PHYKPL: variants seen among roughly 807,000 people sequenced by gnomAD.
The protein encoded by PHYKPL is 5-phosphohydroxy-L-lysine phospho-lyase.
In PHYKPL, 42 loss-of-function variants were observed where a neutral mutation model predicts 51.3. The ratio of observed to expected loss-of-function variants is 0.82; its 90% CI spans 0.64 to 1.06. The LOEUF (loss-of-function observed/expected upper bound fraction) is 1.06, where lower values mean the gene tolerates loss of function less well. Ranked by LOEUF, PHYKPL falls within the 50% of genes least tolerant of loss-of-function variation. PHYKPL has a pLI of 0.00. For missense variants in PHYKPL, 655 were observed against 586.6 expected (o/e 1.12, Z -1.20); for synonymous variants, 264 against 236.0 (o/e 1.12, Z -1.09).
chr5:178,229,846 A>T, intron 3 of PHYKPL, 94 bp downstream of exon 3: 1 of 1,486,852 alleles, frequency 6.7e-7, no homozygotes. Context: ...CTCCGAGTCC[A>T]CACTCGGTCA....
At chr5:178,223,357 C>G in intron 6 of PHYKPL, 2 of 457,388 alleles carry the variant, frequency 4.4e-6, no homozygotes, top group South Asian at 3.1e-5. Context: ...TCCTTGGACT[C>G]CTGCAGAGGT....
chr5:178,215,233 G>C (rs752699216), intron 9 of PHYKPL, 43 bp downstream of exon 9: 1 of 1,613,182 alleles, frequency 6.2e-7, no homozygotes, highest in South Asian at 1.1e-5. Context: ...TACCACACTG[G>C]GCCTTGGCAG....
At chr5:178,219,551 G>A (rs1179709322) in intron 8 of PHYKPL, among the ~76,000 whole-genome samples, 8 of 151,148 alleles carry the variant, frequency 5.3e-5, no homozygotes, top group African/African-American at 1.5e-4. Context: ...CCGGGTTCAC[G>A]CCATTCTCCT....
Position 178,230,112 on chromosome 5 carries a change from C to A in PHYKPL, c.179-13G>T. The A allele has an allele frequency of 6.2e-7, 1 of 1,612,924 alleles. No individual in the cohort carries two copies. Among genetic ancestry groups the A allele is most frequent in the African/African-American group, 1.3e-5 (1 of 75,032 alleles). ...TGGCAGTGCCCAACTGGAAGAGGGC[C>A]GCCTCCGTCACACGGCTGGCTCCAC... On this transcript the variant is annotated splice_polypyrimidine_tract_variant and intron_variant, in intron 2 of 12. Transcript: ENST00000308158.
At chr5:178,210,367 C>CA (rs781035389) in intron 12 of PHYKPL, 33 of 1,593,524 alleles carry the variant, frequency 2.1e-5, no homozygotes, top group Non-Finnish European at 2.6e-5. Context: ...GCTTTGGAGT[C>CA]AGACAGGCCT....
In PHYKPL at chr5:178,224,385, T is replaced by C. The variant is rs1317028362; in HGVS notation, c.618+63A>G. The stretch of plus-strand genomic sequence containing the variant: ...TCTGGGTTCCCAGCATCTAGCACAG[T>C]GGCGGTGACAACGGAGGTGACATTC... On this transcript the variant is annotated intron_variant, in intron 6 of 12. Transcript: ENST00000308158. The C allele has an allele frequency of 1.4e-4, 207 of 1,451,548 alleles. 1 individual carries two copies. Among genetic ancestry groups the C allele is most frequent in the Non-Finnish European group, 1.8e-4 (198 of 1,070,378 alleles). 89.9% of individuals were successfully genotyped at this position (1,451,548 alleles called of 1,614,324 possible). A position where few individuals can be genotyped will look rare whatever the true frequency, so the allele number is the denominator to read the frequency against.
chr5:178,220,925 T>C (rs1761052578), intron 8 of PHYKPL, among the ~76,000 whole-genome samples: 1 of 152,112 alleles, frequency 6.6e-6, no homozygotes, highest in Non-Finnish European at 1.5e-5. Context: ...ATAGACTTCA[T>C]ATAAACTCAA....
Position 178,213,075 on chromosome 5 carries a change from T to G in PHYKPL, c.1201A>C (p.Thr401Pro). Residue 401 changes from threonine (T) to proline (P), a missense_variant, in exon 11 of 13, where the codon ACT (threonine) becomes CCT (proline). Physicochemically the swap from Thr to Pro is conservative, Grantham distance 38 (BLOSUM62 -1). Transcript: ENST00000308158. ...RLKENYVLLS[T>P]DGPGRNILKF... ...AGGATGTTCCTCCCAGGGCCATCAGTGCTCAGCAAAACGTAGTTCTCCTTC... is the reference window on the plus strand; with the variant it reads ...AGGATGTTCCTCCCAGGGCCATCAGGGCTCAGCAAAACGTAGTTCTCCTTC... The G allele has an allele frequency of 6.2e-7, 1 of 1,614,212 alleles. No homozygotes were observed. Among genetic ancestry groups the G allele is most frequent in the Non-Finnish European group, 8.5e-7 (1 of 1,180,030 alleles).
At position 178,231,482 on chromosome 5, in the gene PHYKPL, A is replaced by G. The variant is rs773432675; in HGVS notation, c.101T>C (p.Ile34Thr). The change falls in exon 2 of 13, where the codon ATT becomes ACT. Residue 34 changes from isoleucine (I) to threonine (T), a missense_variant. Ile to Thr is a moderately conservative substitution (Grantham distance 89, BLOSUM62 -1). Coordinates refer to ENST00000308158, the MANE Select transcript of PHYKPL (RefSeq NM_153373.4). The stretch of plus-strand genomic sequence containing the variant: ...CATGTACTGCCCTTGGGCCCGGACA[A>G]TCTTAACAGGATCCTCGGGAAAAAA... ...RLFFPEDPVKIVRAQGQYMYD... is the reference protein window; with the variant it reads ...RLFFPEDPVKTVRAQGQYMYD... The G allele has an allele frequency of 1.9e-5, 31 of 1,614,080 alleles. No individual in the cohort carries two copies. Among genetic ancestry groups the G allele is most frequent in the East Asian group, 2.2e-5 (1 of 44,902 alleles).
chr5:178,232,400 CGCGTGCGTAGT>C (rs1405056798), intron 1 of PHYKPL, 81 bp downstream of exon 1: 2 of 1,334,608 alleles, frequency 1.5e-6, no homozygotes, highest in Non-Finnish European at 9.5e-7. Flanking sequence ...TAGCCGGAGG[CGCGTGCGTAGT>C]GCGTGCGTGC....
At chr5:178,216,422 A>G (rs1759806097) in intron 8 of PHYKPL, 1 of 152,222 alleles carries the variant, frequency 6.6e-6, no homozygotes, top group Non-Finnish European at 1.5e-5. Context: ...GTTCCAGGCA[A>G]TTAAGGAGAT....
chr5:178,225,187 C>T (rs561342474), intron 4 of PHYKPL, among the ~76,000 whole-genome samples, 168 bp downstream of exon 4: 1 of 152,328 alleles, frequency 6.6e-6, no homozygotes, highest in African/African-American at 2.4e-5. Flanking sequence ...CCCAGGGTGA[C>T]AGAGCCTCTG....
chr5:178,222,313 T>C lies in PHYKPL; in HGVS notation c.927+42A>G. 2.6e-6 allele frequency: 4 copies of C among 1,554,736 alleles called. No individual in the cohort carries two copies. The South Asian group carries it at 3.6e-5, about 14-fold the overall frequency. ...GGACAGGCTGATCACCGGGGGCCTATCAGAACCCATGTTGCTCCCTTGACT... is the reference window on the plus strand; with the variant it reads ...GGACAGGCTGATCACCGGGGGCCTACCAGAACCCATGTTGCTCCCTTGACT... On this transcript the variant is annotated intron_variant, in intron 8 of 12. Transcript: ENST00000308158.
At chr5:178,209,183 C>T in intron 12 of PHYKPL, 5 of 709,900 alleles carry the variant, frequency 7.0e-6, no homozygotes, top group South Asian at 1.7e-5. Context: ...GAGCTTTAGC[C>T]CAAAGGTGGC....
intron 2 of PHYKPL, 64 bp from the exon 3 acceptor site, chr5:178,230,163 C>T: frequency 6.3e-7 from 1 of 1,595,868 alleles, no homozygotes; most frequent in East Asian, 2.2e-5. Flanking sequence ...GGGCCTCCCC[C>T]AGCCCCAAGC....
chr5:178,216,966 A>C (rs1223453423), intron 8 of PHYKPL: 1 of 152,198 alleles, frequency 6.6e-6, no homozygotes, highest in Non-Finnish European at 1.5e-5. Context: ...CCAGAGGCTG[A>C]AGCTGCAGTG....
chr5:178,226,897 G>A (rs751344285), intron 3 of PHYKPL, among the ~76,000 whole-genome samples: 9 of 151,720 alleles, frequency 5.9e-5, no homozygotes, highest in African/African-American at 9.7e-5. Flanking sequence ...GCGTGTGTTT[G>A]TATATATGTG....
chr5:178,229,103 ATTTTT>A (rs55725801), intron 3 of PHYKPL, among the ~76,000 whole-genome samples: 9,288 of 118,220 alleles, frequency 0.079, 400 homozygotes, highest in Non-Finnish European at 0.1. Context: ...TGATGAGACT[ATTTTT>A]TTTTTTTTTT....
chr5:178,209,890 C>G (rs1255118385), intron 12 of PHYKPL, among the ~76,000 whole-genome samples: 3 of 152,112 alleles, frequency 2.0e-5, no homozygotes, highest in Admixed American at 2.0e-4. Context: ...CAGAGAGTGA[C>G]TGAGTGAGTG....
Sources: allele counts gnomAD v4.1 joint callset (sites outside exome capture counted in the v4.1 genomes callset), GRCh38; gene constraint gnomAD v4.1.1; transcripts MANE v1.5; gene names NCBI Gene and HGNC (gene_info 2026-07-23, HGNC 2026-07-21).